Variants in MAF observed in about 807,000 individuals in gnomAD.
The protein encoded by MAF is MAF bZIP transcription factor.
MAF carries 10 observed loss-of-function variants against 22.0 expected under a neutral mutation model. The ratio of observed to expected loss-of-function variants is 0.45; its 90% confidence interval spans 0.28 to 0.77. The LOEUF is 0.77. MAF is among the 30% of genes least tolerant of loss of function. The pLI is 0.12. For synonymous variants in MAF, 337 were observed against 255.8 expected, an observed-to-expected ratio of 1.32 and a Z score of -3.03; for missense variants, 544 against 548.4, an observed-to-expected ratio of 0.99 and a Z score of 0.08.
At chr16:79,418,577 G>A in the MAF span, among the ~76,000 whole-genome samples, 2 of 152,186 alleles carry the variant, frequency 1.3e-5, no homozygotes, top group African/African-American at 2.4e-5. Flanking sequence ...CAGGATAGAT[G>A]GGGAAGGGCG....
At chr16:79,440,787 A>G in the MAF span, among the ~76,000 whole-genome samples, 1 of 152,194 alleles carries the variant, frequency 6.6e-6, no homozygotes, top group East Asian at 1.9e-4. Flanking sequence ...TTAACATATA[A>G]ATTAAAGCAG....
At chr16:79,571,348 C>A in the MAF span, among the ~76,000 whole-genome samples, 1 of 151,898 alleles carries the variant, frequency 6.6e-6, no homozygotes, top group African/African-American at 2.4e-5. Flanking sequence ...CAAAACGGCT[C>A]CTCTGCAGAA....
chr16:79,276,522 A>G, the MAF span, among the ~76,000 whole-genome samples: 5 of 152,206 alleles, frequency 3.3e-5, no homozygotes, highest in African/African-American at 1.2e-4. Context: ...TGAAACATAA[A>G]AGAAACTTTT....
At chr16:79,260,798 C>T in the MAF span, among the ~76,000 whole-genome samples, 1 of 151,856 alleles carries the variant, frequency 6.6e-6, no homozygotes, top group South Asian at 2.1e-4. Flanking sequence ...CAATCTGTGA[C>T]TTCATAGATG....
the MAF span, among the ~76,000 whole-genome samples, chr16:79,345,886 T>C: frequency 4.5e-3 from 681 of 151,984 alleles, 3 homozygotes; most frequent in Non-Finnish European, 7.1e-3. Flanking sequence ...TTTGTTTACT[T>C]ATTTTTTTTT....
At chr16:79,518,794 G>T in the MAF span, among the ~76,000 whole-genome samples, 81 of 152,222 alleles carry the variant, frequency 5.3e-4, no homozygotes, top group South Asian at 1.0e-3. Context: ...GCTTGGTGGC[G>T]CATGCCCATA....
At chr16:79,219,854 G>T in the MAF span, among the ~76,000 whole-genome samples, 27 of 152,250 alleles carry the variant, frequency 1.8e-4, no homozygotes, top group Non-Finnish European at 3.2e-4. Flanking sequence ...TTACCTGAAT[G>T]TGGCTTTATG....
At chr16:79,442,378 T>A in the MAF span, among the ~76,000 whole-genome samples, 1 of 152,050 alleles carries the variant, frequency 6.6e-6, no homozygotes, top group African/African-American at 2.4e-5. Context: ...TTTATTTATT[T>A]ATTTTATTTT....
the MAF span, among the ~76,000 whole-genome samples, chr16:79,418,345 A>C: frequency 2.0e-5 from 3 of 152,246 alleles, no homozygotes; most frequent in South Asian, 6.2e-4. Context: ...CAGAGAAAAA[A>C]AGAGCCCCTG....
the MAF span, among the ~76,000 whole-genome samples, chr16:79,346,653 A>T: frequency 6.6e-6 from 1 of 152,172 alleles, no homozygotes; most frequent in African/African-American, 2.4e-5. Flanking sequence ...GTTGTGGTGG[A>T]TCTACACGAT....
chr16:79,568,701 T>A, the MAF span, among the ~76,000 whole-genome samples: 4 of 152,190 alleles, frequency 2.6e-5, no homozygotes, highest in Non-Finnish European at 5.9e-5. Flanking sequence ...ACCTGAAAAC[T>A]AGAAATTTGC....
the MAF span, among the ~76,000 whole-genome samples, chr16:79,247,532 A>G: frequency 0.12 from 18,686 of 152,178 alleles, 1,395 homozygotes; most frequent in Middle Eastern, 0.19. Context: ...GGCACTTGGT[A>G]AACTGGCATT....
the MAF span, among the ~76,000 whole-genome samples, chr16:79,323,304 C>A: frequency 1.3e-5 from 2 of 151,228 alleles, no homozygotes; most frequent in Non-Finnish European, 2.9e-5. Context: ...TAGAATGTCA[C>A]GAATGGTGTC....
the MAF span, among the ~76,000 whole-genome samples, chr16:79,531,687 T>A: frequency 6.6e-6 from 1 of 152,104 alleles, no homozygotes; most frequent in Admixed American, 6.5e-5. Flanking sequence ...ACCACTGATA[T>A]AGCAGGAGGC....
At chr16:79,479,765 T>A in the MAF span, among the ~76,000 whole-genome samples, 32 of 152,226 alleles carry the variant, frequency 2.1e-4, no homozygotes, top group African/African-American at 7.7e-4. Flanking sequence ...GTGCTGGTAC[T>A]CTATATCCAT....
the MAF span, among the ~76,000 whole-genome samples, chr16:79,305,879 C>T: frequency 6.6e-6 from 1 of 152,142 alleles, no homozygotes; most frequent in South Asian, 2.1e-4. Context: ...ACAGCCACTG[C>T]GTTTGCACTA....
the MAF span, among the ~76,000 whole-genome samples, chr16:79,405,860 G>A: frequency 3.9e-5 from 6 of 152,044 alleles, no homozygotes; most frequent in Non-Finnish European, 5.9e-5. Flanking sequence ...GATGCCACCC[G>A]TCAACCATCT....
chr16:79,452,988 T>A, the MAF span, among the ~76,000 whole-genome samples: 2 of 152,234 alleles, frequency 1.3e-5, no homozygotes, highest in South Asian at 4.1e-4. Flanking sequence ...TATCTGTTAC[T>A]TTTCATAATG....
chr16:79,527,709 G>A, the MAF span, among the ~76,000 whole-genome samples: 1 of 152,180 alleles, frequency 6.6e-6, no homozygotes, highest in East Asian at 1.9e-4. Context: ...GTGGGGTGGT[G>A]ATGTGTAGGA....
Sources: allele counts gnomAD v4.1 joint callset (sites outside exome capture counted in the v4.1 genomes callset), GRCh38; gene constraint gnomAD v4.1.1; transcripts MANE v1.5; gene names NCBI Gene and HGNC (gene_info 2026-07-23, HGNC 2026-07-21).